The following KIAA0825 variants were observed in gnomAD, a reference collection of about 807,000 sequenced individuals.
KIAA0825 encodes the protein uncharacterized protein KIAA0825.
Under a neutral mutation model 147.6 loss-of-function variants are expected in KIAA0825, and 119 were observed. The observed-to-expected ratio is 0.81, with a 90% CI of 0.69 to 0.94. KIAA0825 has a LOEUF of 0.94. Ranked by LOEUF, KIAA0825 falls within the 40% of genes least tolerant of loss-of-function variation. KIAA0825 has a pLI of 0.00. For missense variants in KIAA0825, 1,381 were observed against 1,472.7 expected (o/e 0.94, Z 1.02); for synonymous variants, 470 against 518.1 (o/e 0.91, Z 1.26).
chr5:94,216,449 T>C (rs1265268664), intron 20 of KIAA0825, among the ~76,000 whole-genome samples: 1 of 152,154 alleles, frequency 6.6e-6, no homozygotes, highest in Non-Finnish European at 1.5e-5. Flanking sequence ...GTAGGTTTAA[T>C]TGCTGCCATT....
chr5:94,480,885 T>C (rs895398589), intron 6 of KIAA0825, among the ~76,000 whole-genome samples: 6 of 152,186 alleles, frequency 3.9e-5, no homozygotes, highest in Middle Eastern at 3.4e-3. Flanking sequence ...AAGCAAAAGT[T>C]ATCATCTTTA....
intron 14 of KIAA0825, among the ~76,000 whole-genome samples, chr5:94,435,374 G>C (rs907128810): frequency 3.4e-5 from 5 of 147,282 alleles, no homozygotes; most frequent in Non-Finnish European, 7.4e-5. Flanking sequence ...TTATAAGTGA[G>C]AACATGTGGT....
chr5:94,533,599 A>G (rs1478457240), intron 3 of KIAA0825, among the ~76,000 whole-genome samples: 1 of 152,204 alleles, frequency 6.6e-6, no homozygotes, highest in African/African-American at 2.4e-5. Context: ...TTGTGAGCCC[A>G]GAAGAACTTC....
chr5:94,442,970 G>A (rs1236523859), intron 13 of KIAA0825, among the ~76,000 whole-genome samples: 2 of 152,022 alleles, frequency 1.3e-5, no homozygotes, highest in African/African-American at 2.4e-5. Flanking sequence ...GATTGGAGGT[G>A]GTTGGTGTTT....
intron 20 of KIAA0825, among the ~76,000 whole-genome samples, chr5:94,284,477 ACCCT>A (rs763659634): frequency 7.9e-5 from 12 of 152,088 alleles, no homozygotes; most frequent in Non-Finnish European, 1.6e-4. Flanking sequence ...TGCACTAATC[ACCCT>A]GCAGACAAGT....
intron 10 of KIAA0825, among the ~76,000 whole-genome samples, chr5:94,467,724 C>T (rs565565988): frequency 2.0e-5 from 3 of 152,200 alleles, no homozygotes; most frequent in East Asian, 1.9e-4. Context: ...CTATGCTCTG[C>T]GCATGGCGAT....
intron 2 of KIAA0825, among the ~76,000 whole-genome samples, chr5:94,537,401 C>T (rs569576062): frequency 1.8e-3 from 271 of 152,162 alleles, no homozygotes; most frequent in Non-Finnish European, 3.0e-3. Flanking sequence ...CCTGTATTCC[C>T]AGCACTTTGG....
At chr5:94,579,617 C>G (rs74978941) in intron 2 of KIAA0825, among the ~76,000 whole-genome samples, 1 of 152,146 alleles carries the variant, frequency 6.6e-6, no homozygotes, top group Admixed American at 6.5e-5. Flanking sequence ...TGAAAGTGCT[C>G]TAAATGAATT....
At position 94,520,749 on chromosome 5, in the gene KIAA0825, C is replaced by T. The variant is rs1420079643; in HGVS notation, c.469G>A (p.Val157Ile). ...HSVEDNSSMD[V>I]KSMWDDIRLH... ...CTTATATCATCCCACATAGACTTGA[C>T]ATCCATAGAGGAATTATCTTCAACA... is the stretch of plus-strand genomic sequence containing the variant. Residue 157 changes from valine to isoleucine, a missense_variant, in exon 5 of 21, where the codon GTC (valine) becomes ATC (isoleucine). By Grantham distance (29) the Val-to-Ile change is conservative. Coordinates refer to ENST00000682413, the MANE Select transcript of KIAA0825 (RefSeq NM_001145678.3). The T allele has an allele frequency of 6.2e-7, 1 of 1,613,290 alleles. No homozygotes were observed. The highest frequency in any genetic ancestry group is 2.2e-5 in the East Asian group (1 of 44,842).
At chr5:94,454,293 G>A (rs909132265) in intron 12 of KIAA0825, among the ~76,000 whole-genome samples, 1 of 152,158 alleles carries the variant, frequency 6.6e-6, no homozygotes, top group Admixed American at 6.6e-5. Flanking sequence ...GAGCAATAGT[G>A]TCTTTTGATA....
Position 94,473,395 on chromosome 5 carries a change from C to G in KIAA0825, c.1352G>C (p.Arg451Thr). The change falls in exon 8 of 21, where the codon AGG becomes ACG. Residue 451 changes from arginine to threonine, a missense_variant. Coordinates refer to ENST00000682413, the MANE Select transcript of KIAA0825 (RefSeq NM_001145678.3). ...TKILQQEQNE[R>T]SSAVSYAMNL... ...CATAGCATAGCTCACAGCTGAAGAC[C>G]TTTCATTCTGTTCCTGTTGGAGAAT... The G allele has an allele frequency of 6.4e-7, 1 of 1,552,028 alleles. No homozygotes were observed. The highest frequency in any genetic ancestry group is 8.7e-7 in the Non-Finnish European group (1 of 1,147,060).
intron 3 of KIAA0825, among the ~76,000 whole-genome samples, chr5:94,528,182 G>T (rs919246264): frequency 6.6e-6 from 1 of 152,054 alleles, no homozygotes; most frequent in Non-Finnish European, 1.5e-5. Flanking sequence ...TTTCTCATAC[G>T]TATCCTTTCC....
intron 19 of KIAA0825, 34 bp from the exon 20 acceptor site, chr5:94,384,492 A>G (rs544543117): frequency 4.4e-5 from 65 of 1,492,120 alleles, no homozygotes; most frequent in Non-Finnish European, 5.6e-5. Flanking sequence ...CACTATTGTT[A>G]GTTATTAATC....
In KIAA0825 at chr5:94,327,357, A is replaced by T. The variant is rs545658969; in HGVS notation, c.3710+57011T>A. Among the ~76,000 whole-genome samples the T allele has an allele frequency of 9.2e-5, 14 of 152,262 alleles. No individual in the cohort carries two copies. In the South Asian group the frequency reaches 2.9e-3, roughly 32 times the overall value. On this transcript the variant is annotated intron_variant, in intron 20 of 20. Coordinates refer to ENST00000682413, the MANE Select transcript of KIAA0825 (RefSeq NM_001145678.3). Reference sequence around the variant, plus strand: ...TGAATACTACTTTATGAAGAAAAAAAAAAAACTGTCCTTTAGATTTTATTC... The same window carrying T: ...TGAATACTACTTTATGAAGAAAAAATAAAAACTGTCCTTTAGATTTTATTC...
chr5:94,501,868 A>G (rs1034690352), intron 5 of KIAA0825, among the ~76,000 whole-genome samples: 1 of 152,200 alleles, frequency 6.6e-6, no homozygotes, highest in African/African-American at 2.4e-5. Flanking sequence ...AGAAACTAGA[A>G]AAATCCTAAT....
intron 10 of KIAA0825, among the ~76,000 whole-genome samples, chr5:94,468,327 T>C (rs1238984410): frequency 7.9e-5 from 12 of 152,198 alleles, no homozygotes; most frequent in Admixed American, 7.2e-4. Context: ...GAAAACATCA[T>C]ATAAAATTGC....
intron 20 of KIAA0825, among the ~76,000 whole-genome samples, chr5:94,305,976 T>G (rs1251384434): frequency 6.6e-6 from 1 of 151,840 alleles, no homozygotes; most frequent in Non-Finnish European, 1.5e-5. Flanking sequence ...ACCTCCTACC[T>G]ATTGAAAGAA....
intron 20 of KIAA0825, among the ~76,000 whole-genome samples, chr5:94,162,133 T>C (rs1305541090): frequency 6.6e-6 from 1 of 152,318 alleles, no homozygotes; most frequent in Non-Finnish European, 1.5e-5. Flanking sequence ...ATTTACATCC[T>C]TCTTAACTTG....
chr5:94,280,090 T>G (rs2150153435), intron 20 of KIAA0825, among the ~76,000 whole-genome samples: 1 of 152,204 alleles, frequency 6.6e-6, no homozygotes, highest in African/African-American at 2.4e-5. Flanking sequence ...TTTAGAAGGT[T>G]CATGCTGGCA....
Sources: allele counts gnomAD v4.1 joint callset (sites outside exome capture counted in the v4.1 genomes callset), GRCh38; gene constraint gnomAD v4.1.1; transcripts MANE v1.5; gene names NCBI Gene and HGNC (gene_info 2026-07-23, HGNC 2026-07-21).